Variants in CSGALNACT1 observed in about 807,000 individuals in gnomAD.
The protein encoded by CSGALNACT1 is chondroitin sulfate N-acetylgalactosaminyltransferase 1.
Under a neutral mutation model 51.0 loss-of-function variants are expected in CSGALNACT1, and 52 were observed. The ratio of observed to expected loss-of-function variants is 1.02; its 90% confidence interval spans 0.82 to 1.29. The LOEUF (loss-of-function observed/expected upper bound fraction) is 1.29, where lower values mean the gene tolerates loss of function less well. Ranked by LOEUF, CSGALNACT1 falls within the 50% of genes most tolerant of loss-of-function variation. The pLI, the probability that CSGALNACT1 is intolerant of heterozygous loss-of-function variation, is 0.00. For missense variants in CSGALNACT1, 935 were observed against 679.2 expected (o/e 1.38, Z -4.19); for synonymous variants, 341 against 254.4 (o/e 1.34, Z -3.24).
chr8:19,659,139 A>G (rs1437563894), intron 1 of CSGALNACT1, among the ~76,000 whole-genome samples: 1 of 151,804 alleles, frequency 6.6e-6, no homozygotes, highest in African/African-American at 2.4e-5. Flanking sequence ...TTAAAGTTTG[A>G]TGTACCATTA....
chr8:19,474,873 A>G (rs1292630356), intron 4 of CSGALNACT1, among the ~76,000 whole-genome samples: 1 of 148,220 alleles, frequency 6.7e-6, no homozygotes, highest in Non-Finnish European at 1.5e-5. Flanking sequence ...GTCTCAGAAA[A>G]AAAAAAAAAA....
intron 6 of CSGALNACT1, among the ~76,000 whole-genome samples, chr8:19,433,393 C>G (rs377305154): frequency 3.9e-4 from 60 of 152,284 alleles, no homozygotes; most frequent in African/African-American, 1.4e-3. Flanking sequence ...GGTACATGGT[C>G]CTTAGGTTTT....
chr8:19,639,502 G>A (rs1406040473), intron 1 of CSGALNACT1, among the ~76,000 whole-genome samples: 1 of 152,210 alleles, frequency 6.6e-6, no homozygotes, highest in Non-Finnish European at 1.5e-5. Flanking sequence ...TGTGGAAACA[G>A]GTCTGTCACA....
chr8:19,591,691 A>G (rs2047854020), intron 2 of CSGALNACT1, among the ~76,000 whole-genome samples: 1 of 152,172 alleles, frequency 6.6e-6, no homozygotes, highest in Non-Finnish European at 1.5e-5. Context: ...TGGGAGGCTG[A>G]GGCAGGAGGA....
chr8:19,530,636 C>G (rs1002455865), intron 3 of CSGALNACT1, among the ~76,000 whole-genome samples: 2 of 152,220 alleles, frequency 1.3e-5, no homozygotes, highest in Non-Finnish European at 2.9e-5. Context: ...GTGGCTGAGG[C>G]TGGAGGATCG....
chr8:19,474,637 G>A (rs1050845526), intron 4 of CSGALNACT1, among the ~76,000 whole-genome samples: 7 of 151,930 alleles, frequency 4.6e-5, no homozygotes, highest in African/African-American at 1.7e-4. Context: ...GGAGGCCCGA[G>A]GTGGGTGGAT....
intron 1 of CSGALNACT1, among the ~76,000 whole-genome samples, chr8:19,726,469 A>T (rs1440915521): frequency 6.6e-6 from 1 of 152,194 alleles, no homozygotes; most frequent in Non-Finnish European, 1.5e-5. Flanking sequence ...GCTGACAAAA[A>T]TTGTACACAT....
In CSGALNACT1 at chr8:19,458,407, C is replaced by A; in HGVS notation, c.851+19G>T. The A allele has an allele frequency of 6.3e-7, 1 of 1,592,000 alleles. No homozygotes were observed. On this transcript the variant is annotated intron_variant, in intron 5 of 9. Coordinates refer to ENST00000454498, the Ensembl canonical transcript of CSGALNACT1. ...CACACATCATGCGGAGGAAGATAAA[C>A]ACGTGCGAACAAACCAACCTGAAAT... is the stretch of plus-strand genomic sequence containing the variant.
Position 19,533,212 on chromosome 8 carries a change from G to A in CSGALNACT1, c.-296-27082C>T, listed in dbSNP as rs149196855. On this transcript the variant is annotated intron_variant, in intron 3 of 9. Transcript: ENST00000454498. ...GCTCACCACAGCCTCAAACTTTTGG[G>A]ATCAAGCGATCCTCTCACTTCAGCC... 4.3e-3 allele frequency among the ~76,000 whole-genome samples: 653 copies of A among 152,166 alleles called. 3 individuals are homozygous for A. Among genetic ancestry groups the A allele is most frequent in the African/African-American group, 0.015 (620 of 41,502 alleles).
rs961172009 is a variant in CSGALNACT1 at position 19,652,026 on chromosome 8, G to A, written c.-544+30447C>T. ...GCTCACTGCAACCTTCACCGCCTGG[G>A]CTCAAGCAATCCCCTGCTCCAGCCT... On this transcript the variant is annotated intron_variant, in intron 1 of 9. Transcript: ENST00000332246. 2.6e-5 allele frequency among the ~76,000 whole-genome samples: 4 copies of A among 152,058 alleles called. No individual in the cohort carries two copies. The East Asian group carries it at 7.7e-4, about 29-fold the overall frequency.
At position 19,511,490 on chromosome 8, in the gene CSGALNACT1, G is replaced by A. The variant is rs185642785; in HGVS notation, c.-296-5360C>T. On this transcript the variant is annotated intron_variant, in intron 3 of 9. Coordinates refer to ENST00000454498, the Ensembl canonical transcript of CSGALNACT1. ...TGTGTGGAAAGGATTCTTATTCAGA[G>A]TTTTCAAATGCTCTCAAAAATGGAT... is the stretch of plus-strand genomic sequence containing the variant. 1.6e-4 allele frequency among the ~76,000 whole-genome samples: 24 copies of A among 152,334 alleles called. No individual in the cohort carries two copies. The East Asian group carries it at 4.0e-3, about 26-fold the overall frequency.
chr8:19,419,268 G>C (rs1478076990), intron 7 of CSGALNACT1, among the ~76,000 whole-genome samples: 2 of 152,198 alleles, frequency 1.3e-5, no homozygotes, highest in Admixed American at 1.3e-4. Flanking sequence ...AATGATATTT[G>C]GAATACTGAC....
At chr8:19,640,947 CAG>C (rs1480460261) in intron 1 of CSGALNACT1, among the ~76,000 whole-genome samples, 2 of 151,536 alleles carry the variant, frequency 1.3e-5, no homozygotes, top group Non-Finnish European at 2.9e-5. Flanking sequence ...TTTTCTAAGA[CAG>C]AGGAATGAAA....
At chr8:19,556,981 CA>C (rs1369093003) in intron 3 of CSGALNACT1, among the ~76,000 whole-genome samples, 5,601 of 105,400 alleles carry the variant, frequency 0.053, 292 homozygotes, top group African/African-American at 0.16. Context: ...TCTGCCCAGC[CA>C]AAAAAAAAAA....
chr8:19,590,359 C>T (rs1037113855), intron 3 of CSGALNACT1, among the ~76,000 whole-genome samples: 1 of 152,210 alleles, frequency 6.6e-6, no homozygotes, highest in African/African-American at 2.4e-5. Context: ...ATACAGTCAA[C>T]ATTAGATTGA....
intron 4 of CSGALNACT1, among the ~76,000 whole-genome samples, chr8:19,502,224 C>T (rs2076544660): frequency 1.3e-5 from 2 of 152,162 alleles, no homozygotes; most frequent in African/African-American, 4.8e-5. Context: ...CAGAGCATCT[C>T]TGAGAGATGG....
intron 1 of CSGALNACT1, among the ~76,000 whole-genome samples, chr8:19,754,803 T>C (rs1028106762): frequency 1.3e-5 from 2 of 152,214 alleles, no homozygotes; most frequent in African/African-American, 4.8e-5. Context: ...GGTGATACAC[T>C]ATGCTGAAGA....
intron 1 of CSGALNACT1, among the ~76,000 whole-genome samples, chr8:19,708,928 C>T (rs531457476): frequency 4.6e-5 from 7 of 152,162 alleles, no homozygotes; most frequent in African/African-American, 9.7e-5. Flanking sequence ...TGGACTTGCA[C>T]GTGTCATTTA....
intron 1 of CSGALNACT1, among the ~76,000 whole-genome samples, chr8:19,614,197 T>C (rs909326305): frequency 6.6e-6 from 1 of 152,198 alleles, no homozygotes; most frequent in Non-Finnish European, 1.5e-5. Context: ...GCCTGATAAC[T>C]CATTCAATAC....
Sources: allele counts gnomAD v4.1 joint callset (sites outside exome capture counted in the v4.1 genomes callset), GRCh38; gene constraint gnomAD v4.1.1; transcripts MANE v1.5; gene names NCBI Gene and HGNC (gene_info 2026-07-23, HGNC 2026-07-21).